TRPC6: variants seen among roughly 807,000 people sequenced by gnomAD.
TRPC6 encodes the protein transient receptor potential cation channel subfamily C member 6, also known as short transient receptor potential channel 6.
Under a neutral mutation model 90.7 loss-of-function variants are expected in TRPC6, and 55 were observed. That is an observed-to-expected ratio of 0.61 (90% CI 0.49 to 0.76). The LOEUF (loss-of-function observed/expected upper bound fraction) is 0.76. TRPC6 is among the 30% of genes least tolerant of loss of function. TRPC6 has a pLI of 0.00. For missense variants in TRPC6, 989 were observed against 1,122.7 expected, an observed-to-expected ratio of 0.88 and a Z score of 1.70; for synonymous variants, 393 against 393.0, an observed-to-expected ratio of 1.00 and a Z score of 0.00.
At chr11:101,559,309 T>A (rs4754777) in intron 1 of TRPC6, among the ~76,000 whole-genome samples, 36,550 of 152,044 alleles carry the variant, frequency 0.24, 4,708 homozygotes, top group East Asian at 0.4. Flanking sequence ...TAATCCCTAA[T>A]TTTACACTGT....
chr11:101,527,981 G>T (rs1033848837), intron 1 of TRPC6, among the ~76,000 whole-genome samples: 1 of 152,056 alleles, frequency 6.6e-6, no homozygotes, highest in Admixed American at 6.5e-5. Flanking sequence ...GCTGAGGCAG[G>T]AGAATCGCTT....
At chr11:101,454,892 A>G in intron 11 of TRPC6, 126 bp downstream of exon 11, 1 of 685,932 alleles carries the variant, frequency 1.5e-6, no homozygotes, top group Non-Finnish European at 2.4e-6. Flanking sequence ...TAATTAATAA[A>G]TATTTATTGA....
chr11:101,557,760 T>C (rs1228192265), intron 1 of TRPC6, among the ~76,000 whole-genome samples: 1 of 152,132 alleles, frequency 6.6e-6, no homozygotes, highest in Non-Finnish European at 1.5e-5. Context: ...AACAATCTCA[T>C]TTACAATCTC....
chr11:101,497,831 T>C (rs527591972), intron 2 of TRPC6, among the ~76,000 whole-genome samples: 45 of 152,302 alleles, frequency 3.0e-4, no homozygotes, highest in African/African-American at 1.0e-3. Flanking sequence ...ATGCATTATT[T>C]GTCCTAATGC....
At position 101,494,808 on chromosome 11, in the gene TRPC6, T is replaced by G. The variant is rs1859906244; in HGVS notation, c.946-3070A>C. Among the ~76,000 whole-genome samples, 8 of 152,336 alleles carry G rather than the reference T, an allele frequency of 5.3e-5. No homozygotes were observed. In the South Asian group the frequency reaches 1.7e-3, roughly 32 times the overall value. On this transcript the variant is annotated intron_variant, in intron 2 of 12. Transcript: ENST00000344327. ...TTCATCACTAATTCCTAAGACATTT[T>G]CTTAAGCAAAAATACCTATTTAAAA... is the stretch of plus-strand genomic sequence containing the variant.
chr11:101,545,205 GAAAT>G (rs140912427), intron 1 of TRPC6, among the ~76,000 whole-genome samples: 49,646 of 151,548 alleles, frequency 0.33, 8,620 homozygotes, highest in Middle Eastern at 0.49. Flanking sequence ...AAAAATATTT[GAAAT>G]AAATAAATAA....
chr11:101,486,107 G>T (rs1252051079), intron 4 of TRPC6, among the ~76,000 whole-genome samples: 1 of 143,800 alleles, frequency 7.0e-6, no homozygotes, highest in Non-Finnish European at 1.5e-5. Context: ...GTTTTGTTTT[G>T]TTTTAGCAAT....
chr11:101,543,639 T>C (rs1861227070), intron 1 of TRPC6, among the ~76,000 whole-genome samples: 1 of 152,140 alleles, frequency 6.6e-6, no homozygotes, highest in South Asian at 2.1e-4. Flanking sequence ...GGGGAAAGGA[T>C]TCCCTATTTA....
intron 11 of TRPC6, among the ~76,000 whole-genome samples, chr11:101,454,578 A>G (rs1214514492): frequency 6.6e-6 from 1 of 151,718 alleles, no homozygotes; most frequent in African/African-American, 2.4e-5. Context: ...ATTACTCATT[A>G]TATAAGTATT....
chr11:101,558,235 G>GTATATA (rs1565243169), intron 1 of TRPC6, among the ~76,000 whole-genome samples: 1 of 82,220 alleles, frequency 1.2e-5, no homozygotes, highest in Non-Finnish European at 2.6e-5. Context: ...ACATGTATAT[G>GTATATA]GGTATACATG....
Position 101,493,228 on chromosome 11 carries a change from A to T in TRPC6, c.946-1490T>A, listed in dbSNP as rs1390913864. Among the ~76,000 whole-genome samples, 3 of 152,334 alleles carry T rather than the reference A, an allele frequency of 2.0e-5. No individual in the cohort carries two copies. The East Asian group carries it at 5.8e-4, about 29-fold the overall frequency. On this transcript the variant is annotated intron_variant, in intron 2 of 12. Coordinates refer to ENST00000344327, the MANE Select transcript of TRPC6 (RefSeq NM_004621.6). ...TTGTCTTGGGCCACACATAAAATAC[A>T]CTAACACTAATGATAGCTGATGAAC...
At chr11:101,579,954 A>G (rs1862157744) in intron 1 of TRPC6, among the ~76,000 whole-genome samples, 1 of 152,106 alleles carries the variant, frequency 6.6e-6, no homozygotes, top group African/African-American at 2.4e-5. Context: ...CTCGCTTTTA[A>G]TGTCTTTGTT....
intron 1 of TRPC6, among the ~76,000 whole-genome samples, chr11:101,561,297 A>G (rs146018333): frequency 2.2e-3 from 331 of 152,292 alleles, no homozygotes; most frequent in African/African-American, 7.5e-3. Context: ...CTCAGTCTCA[A>G]GTACTGTCCT....
At chr11:101,455,160 A>C in intron 10 of TRPC6, 59 bp from the exon 11 acceptor site, 1 of 1,357,782 alleles carries the variant, frequency 7.4e-7, no homozygotes. Context: ...TAAATAAAGT[A>C]GTGAGATTAG....
intron 1 of TRPC6, among the ~76,000 whole-genome samples, chr11:101,547,184 CT>C (rs1463427769): frequency 6.6e-6 from 1 of 152,074 alleles, no homozygotes; most frequent in Non-Finnish European, 1.5e-5. Flanking sequence ...GTATTATTTA[CT>C]TTTCTACATG....
chr11:101,490,634 T>G (rs1306036342), intron 3 of TRPC6, among the ~76,000 whole-genome samples: 2 of 152,186 alleles, frequency 1.3e-5, no homozygotes, highest in East Asian at 3.9e-4. Context: ...TTTTGTAGTT[T>G]TAGTAGAGAC....
Position 101,555,569 on chromosome 11 carries a change from G to A in TRPC6, c.170+27765C>T, listed in dbSNP as rs1318578241. Among the ~76,000 whole-genome samples the A allele has an allele frequency of 2.0e-5, 3 of 152,200 alleles. No individual in the cohort carries two copies. The East Asian group carries it at 5.8e-4, about 29-fold the overall frequency. ...GTGACCTAAGGACATATGAAGTTAT[G>A]GATAAACATATTTCATCTTTTTGGA... On this transcript the variant is annotated intron_variant, in intron 1 of 12. Coordinates refer to ENST00000344327, the MANE Select transcript of TRPC6 (RefSeq NM_004621.6).
chr11:101,544,651 G>T (rs1012668832), intron 1 of TRPC6, among the ~76,000 whole-genome samples: 13 of 151,578 alleles, frequency 8.6e-5, no homozygotes, highest in African/African-American at 2.4e-4. Flanking sequence ...AACACCACAC[G>T]TTCTCACTCA....
chr11:101,488,958 GT>G lies in TRPC6; in HGVS notation c.1271del (p.Tyr424SerfsTer12). On this transcript the variant is annotated frameshift_variant, in exon 4 of 13. Coordinates refer to ENST00000344327, the MANE Select transcript of TRPC6 (RefSeq NM_004621.6). LOFTEE classifies it high-confidence loss of function. ...ATACCTTGCTGCATGGAGCAAACCA[GT>G]AAATGAGAGCCAGGAAGGGCAGTCC... ...AIGLPFLALI[Y>X]WFAPCSKMGK... The G allele has an allele frequency of 6.2e-7, 1 of 1,614,140 alleles. No homozygotes were observed. Among genetic ancestry groups the G allele is most frequent in the East Asian group, 2.2e-5 (1 of 44,886 alleles).
Sources: allele counts gnomAD v4.1 joint callset (sites outside exome capture counted in the v4.1 genomes callset), GRCh38; gene constraint gnomAD v4.1.1; transcripts MANE v1.5; gene names NCBI Gene and HGNC (gene_info 2026-07-23, HGNC 2026-07-21).